GALNT13: variants seen among roughly 807,000 people sequenced by gnomAD.
GALNT13 encodes UDP-GalNAc:polypeptide N-acetylgalactosaminyltransferase 13.
A neutral mutation model predicts 64.2 loss-of-function variants in GALNT13; 28 were observed. The ratio of observed to expected loss-of-function variants is 0.44; its 90% confidence interval spans 0.32 to 0.60. GALNT13 has a LOEUF of 0.60. Among genes scored for constraint, GALNT13 ranks in the 20% least tolerant of loss-of-function variants. The pLI, the probability that GALNT13 is intolerant of heterozygous loss-of-function variation, is 0.05. For synonymous variants in GALNT13, 214 were observed against 224.6 expected, an observed-to-expected ratio of 0.95 and a Z score of 0.42; for missense variants, 577 against 669.8, an observed-to-expected ratio of 0.86 and a Z score of 1.53.
chr2:154,017,579 A>G (rs1697096065), intron 3 of GALNT13, among the ~76,000 whole-genome samples: 1 of 152,206 alleles, frequency 6.6e-6, no homozygotes, highest in Non-Finnish European at 1.5e-5. Flanking sequence ...TTTCCCAAGA[A>G]TTTGGGAAGA....
At chr2:153,478,685 C>G in the GALNT13 span, 6 of 830,900 alleles carry the variant, frequency 7.2e-6, no homozygotes, top group Admixed American at 1.5e-4. Context: ...GAGGGCTCCT[C>G]GCTCTGCTTT....
the GALNT13 span, among the ~76,000 whole-genome samples, chr2:153,361,162 C>A: frequency 3.3e-5 from 5 of 152,060 alleles, no homozygotes; most frequent in African/African-American, 1.2e-4. Flanking sequence ...GAAAGAAAAA[C>A]AAACAAACAG....
chr2:153,689,751 A>T, the GALNT13 span, among the ~76,000 whole-genome samples: 1 of 152,182 alleles, frequency 6.6e-6, no homozygotes, highest in Middle Eastern at 3.4e-3. Context: ...TGACTCTTCA[A>T]GACTTTCACT....
the GALNT13 span, among the ~76,000 whole-genome samples, chr2:153,673,033 C>A: frequency 6.6e-6 from 1 of 152,210 alleles, no homozygotes; most frequent in Admixed American, 6.5e-5. Flanking sequence ...CTGAATAGAC[C>A]AATAACATGT....
chr2:153,689,659 G>T, the GALNT13 span, among the ~76,000 whole-genome samples: 2 of 151,986 alleles, frequency 1.3e-5, no homozygotes, highest in Non-Finnish European at 1.5e-5. Context: ...TGATTCCAAT[G>T]ATTCTTCCTT....
At chr2:154,230,753 G>A (rs926828000) in intron 4 of GALNT13, among the ~76,000 whole-genome samples, 4 of 152,060 alleles carry the variant, frequency 2.6e-5, no homozygotes, top group African/African-American at 9.7e-5. Context: ...TGAAACCCCA[G>A]AAGAATTATC....
chr2:154,300,580 T>C (rs1030618673), intron 8 of GALNT13, among the ~76,000 whole-genome samples: 2 of 151,900 alleles, frequency 1.3e-5, no homozygotes, highest in African/African-American at 4.8e-5. Flanking sequence ...GTTATATATA[T>C]ATATAATTGT....
At chr2:153,273,434 A>C in the GALNT13 span, among the ~76,000 whole-genome samples, 1 of 152,190 alleles carries the variant, frequency 6.6e-6, no homozygotes, top group African/African-American at 2.4e-5. Context: ...GGCTTTAATT[A>C]ACCTGTCTTT....
the GALNT13 span, among the ~76,000 whole-genome samples, chr2:153,280,367 A>G: frequency 6.6e-6 from 1 of 152,024 alleles, no homozygotes; most frequent in East Asian, 1.9e-4. Context: ...AAATTCATTT[A>G]GTTCTGGTCT....
chr2:153,907,173 A>T (rs2105306797), intron 2 of GALNT13, among the ~76,000 whole-genome samples: 1 of 151,582 alleles, frequency 6.6e-6, no homozygotes, highest in South Asian at 2.1e-4. Flanking sequence ...TAGGTTGCGA[A>T]AATTTTCTCC....
chr2:153,459,601 C>T, the GALNT13 span, among the ~76,000 whole-genome samples: 1 of 152,068 alleles, frequency 6.6e-6, no homozygotes, highest in African/African-American at 2.4e-5. Context: ...ACTGAAATAA[C>T]AAAATCCTAT....
chr2:153,321,166 A>G, the GALNT13 span, among the ~76,000 whole-genome samples: 1 of 152,226 alleles, frequency 6.6e-6, no homozygotes, highest in Admixed American at 6.5e-5. Context: ...AATAGTGTAC[A>G]TTTTAAAGTG....
intron 4 of GALNT13, among the ~76,000 whole-genome samples, chr2:154,241,207 A>T (rs1689468953): frequency 1.3e-5 from 2 of 152,112 alleles, no homozygotes; most frequent in Admixed American, 1.3e-4. Context: ...GGTTATAGGC[A>T]CAGGATGGCA....
the GALNT13 span, among the ~76,000 whole-genome samples, chr2:153,223,024 C>T: frequency 1.2e-4 from 19 of 152,198 alleles, no homozygotes; most frequent in Admixed American, 5.2e-4. Context: ...CAGTGGAGTG[C>T]GCCAGCTGCG....
At chr2:154,193,683 C>T (rs923040070) in intron 4 of GALNT13, among the ~76,000 whole-genome samples, 8 of 152,104 alleles carry the variant, frequency 5.3e-5, no homozygotes, top group Non-Finnish European at 2.9e-5. Context: ...TGTAATTTAC[C>T]TCCTCTTATT....
chr2:154,025,623 T>C (rs757887649), intron 3 of GALNT13, among the ~76,000 whole-genome samples: 18 of 152,252 alleles, frequency 1.2e-4, no homozygotes, highest in Non-Finnish European at 2.6e-4. Context: ...TTACACAGTG[T>C]TAATTGTAGC....
intron 4 of GALNT13, among the ~76,000 whole-genome samples, chr2:154,216,180 A>C (rs1412931089): frequency 6.6e-6 from 1 of 152,048 alleles, no homozygotes; most frequent in South Asian, 2.1e-4. Flanking sequence ...TAAAATATTA[A>C]TGCTTTATTT....
chr2:154,424,417 A>C (rs1461307417), intron 11 of GALNT13, among the ~76,000 whole-genome samples: 3 of 152,206 alleles, frequency 2.0e-5, no homozygotes, highest in Non-Finnish European at 2.9e-5. Context: ...TTTAATATAC[A>C]GTATATTTTA....
chr2:153,856,679 A>G, the GALNT13 span, among the ~76,000 whole-genome samples: 3 of 152,180 alleles, frequency 2.0e-5, no homozygotes, highest in African/African-American at 7.2e-5. Flanking sequence ...AACAATAGGG[A>G]AAATTTATAC....
Sources: allele counts gnomAD v4.1 joint callset (sites outside exome capture counted in the v4.1 genomes callset), GRCh38; gene constraint gnomAD v4.1.1; transcripts MANE v1.5; gene names NCBI Gene and HGNC (gene_info 2026-07-23, HGNC 2026-07-21).